KIAA1671: variants seen among roughly 807,000 people sequenced by gnomAD.
KIAA1671 encodes KIAA1671.
KIAA1671 carries 52 observed loss-of-function variants against 131.2 expected under a neutral mutation model. That is an observed-to-expected ratio of 0.40 (90% CI 0.32 to 0.50). The LOEUF is 0.50. KIAA1671 is among the 20% of genes least tolerant of loss of function. The pLI, the probability that KIAA1671 is intolerant of heterozygous loss-of-function variation, is 0.73. For synonymous variants in KIAA1671, 1,003 were observed against 961.6 expected (o/e 1.04, Z -0.80); for missense variants, 2,360 against 2,364.2 (o/e 1.00, Z 0.04).
Position 25,041,414 on chromosome 22 carries a change from CAG to C in KIAA1671, c.4291_4292del (p.Arg1431GlufsTer92). ...REGLSIMHEA[R>X]ERRREQPKGR... ...AGGGCCTGTCCATCATGCATGAAGC[CAG>C]AGAGAGGAGGCGAGAGCAGCCCAAA... is the stretch of plus-strand genomic sequence containing the variant. On this transcript the variant is annotated frameshift_variant, in exon 5 of 13. Transcript: ENST00000358431. LOFTEE classifies it high-confidence loss of function. 1 of 1,551,790 alleles carries C rather than the reference CAG, an allele frequency of 6.4e-7. No individual in the cohort carries two copies. The highest frequency in any genetic ancestry group is 8.7e-7 in the Non-Finnish European group (1 of 1,147,020).
chr22:24,983,520 G>A (rs146799039), intron 1 of KIAA1671, among the ~76,000 whole-genome samples: 174 of 151,930 alleles, frequency 1.1e-3, no homozygotes, highest in Middle Eastern at 6.8e-3. Flanking sequence ...GAGATTACAG[G>A]TGGACCTGAA....
intron 6 of KIAA1671, among the ~76,000 whole-genome samples, chr22:25,084,245 G>A (rs1183866890): frequency 6.6e-6 from 1 of 152,166 alleles, no homozygotes; most frequent in Non-Finnish European, 1.5e-5. Flanking sequence ...GGGAGGCCGA[G>A]GCGGGCGGAT....
At chr22:25,085,004 G>C (rs535520542) in intron 6 of KIAA1671, among the ~76,000 whole-genome samples, 11 of 152,366 alleles carry the variant, frequency 7.2e-5, no homozygotes, top group Non-Finnish European at 1.5e-4. Context: ...TGCAGCCACA[G>C]GACTTACATA....
chr22:25,054,161 A>T lies in KIAA1671; in HGVS notation c.4530+4797A>T, dbSNP rs1409708584. ...AGCTACTCAGGAGGCTGAGGCAGGAAAATCGCTTGAACTCGGGAGGCGGAG... is the reference window on the plus strand; with the variant it reads ...AGCTACTCAGGAGGCTGAGGCAGGATAATCGCTTGAACTCGGGAGGCGGAG... On this transcript the variant is annotated intron_variant, in intron 6 of 12. Transcript: ENST00000358431. 3.8e-5 allele frequency: 5 copies of T among 133,258 alleles called. 1 individual carries two copies. The highest frequency in any genetic ancestry group is 8.5e-5 in the Non-Finnish European group (5 of 58,520). 8.3% of individuals were successfully genotyped at this position (133,258 alleles called of 1,614,324 possible).
At chr22:24,963,750 C>G (rs12158602) in intron 1 of KIAA1671, among the ~76,000 whole-genome samples, 7,034 of 151,470 alleles carry the variant, frequency 0.046, 564 homozygotes, top group African/African-American at 0.16. Flanking sequence ...ACCATCCTGG[C>G]TAACATGGTG....
intron 6 of KIAA1671, among the ~76,000 whole-genome samples, 159 bp from the exon 7 acceptor site, chr22:25,170,661 C>A (rs947811204): frequency 4.6e-5 from 7 of 152,180 alleles, no homozygotes; most frequent in Admixed American, 6.5e-5. Flanking sequence ...ATTGGTCACG[C>A]TAGTGCCCAG....
intron 1 of KIAA1671, among the ~76,000 whole-genome samples, chr22:24,967,571 C>T (rs1922361263): frequency 1.3e-5 from 2 of 152,224 alleles, no homozygotes; most frequent in African/African-American, 4.8e-5. Context: ...CTGCCTGGGG[C>T]CTGGCCTCCG....
chr22:25,090,202 T>C (rs1178753283), intron 6 of KIAA1671, among the ~76,000 whole-genome samples: 1 of 152,244 alleles, frequency 6.6e-6, no homozygotes, highest in Non-Finnish European at 1.5e-5. Context: ...TGGAGTGTGC[T>C]GAGCTCTGGA....
intron 6 of KIAA1671, among the ~76,000 whole-genome samples, chr22:25,082,891 G>C (rs187993097): frequency 2.6e-5 from 4 of 152,206 alleles, no homozygotes; most frequent in Admixed American, 2.6e-4. Flanking sequence ...CTGAGGCAGG[G>C]ACATACAACT....
rs375778945 is a variant in KIAA1671 at position 25,104,745 on chromosome 22, A to AT, written c.4530+55391dup. Among the ~76,000 whole-genome samples, 399 of 148,610 alleles carry AT rather than the reference A, an allele frequency of 2.7e-3. 3 individuals are homozygous for AT. Among genetic ancestry groups the AT allele is most frequent in the Middle Eastern group, 7.0e-3 (2 of 286 alleles). ...TCATCAGAACCCTTGGCAATTGTTCATTTTTTTTTTCCTATTTCTTTCTTC... is the reference window on the plus strand; with the variant it reads ...TCATCAGAACCCTTGGCAATTGTTCATTTTTTTTTTTCCTATTTCTTTCTTC... On this transcript the variant is annotated intron_variant, in intron 6 of 12. Coordinates refer to ENST00000358431, the MANE Select transcript of KIAA1671 (RefSeq NM_001145206.2).
chr22:25,131,231 A>G (rs537600243), intron 6 of KIAA1671, among the ~76,000 whole-genome samples: 3 of 152,276 alleles, frequency 2.0e-5, no homozygotes, highest in South Asian at 2.1e-4. Context: ...AGCTGAGGCC[A>G]TGCTCAGGGA....
intron 1 of KIAA1671, among the ~76,000 whole-genome samples, chr22:24,992,119 T>C (rs1168035978): frequency 1.3e-5 from 2 of 152,182 alleles, no homozygotes; most frequent in Non-Finnish European, 2.9e-5. Context: ...CTGAAGCTAA[T>C]GTCCTAAGAG....
intron 6 of KIAA1671, among the ~76,000 whole-genome samples, chr22:25,069,017 G>A (rs1295461198): frequency 1.3e-5 from 2 of 152,058 alleles, no homozygotes; most frequent in African/African-American, 4.8e-5. Flanking sequence ...GAGTCTCTGG[G>A]TTATGGCCTC....
At chr22:24,988,041 C>T (rs979803294) in intron 1 of KIAA1671, among the ~76,000 whole-genome samples, 3 of 151,980 alleles carry the variant, frequency 2.0e-5, no homozygotes, top group South Asian at 2.1e-4. Flanking sequence ...TTTGGGAGGC[C>T]GAGGCGGGTG....
chr22:25,033,836 T>A (rs1408365770), intron 4 of KIAA1671, among the ~76,000 whole-genome samples: 2 of 151,966 alleles, frequency 1.3e-5, no homozygotes, highest in East Asian at 3.9e-4. Flanking sequence ...CGCTTCGGCC[T>A]CCCAAAGTGC....
intron 1 of KIAA1671, among the ~76,000 whole-genome samples, chr22:24,958,234 C>A (rs1433574217): frequency 6.6e-6 from 1 of 152,076 alleles, no homozygotes; most frequent in Non-Finnish European, 1.5e-5. Context: ...TAAGAAGAAG[C>A]TAAGGCCAAG....
At chr22:25,165,209 C>T (rs1470909708) in intron 6 of KIAA1671, among the ~76,000 whole-genome samples, 2 of 152,144 alleles carry the variant, frequency 1.3e-5, no homozygotes, top group Non-Finnish European at 2.9e-5. Flanking sequence ...GATGAATTCC[C>T]TTAGGTAACC....
rs1277126149 is a variant in KIAA1671, at chr22:25,194,841, T to G, written c.*2440T>G. 1 of 152,176 alleles carries G rather than the reference T, an allele frequency of 6.6e-6. No homozygotes were observed. Among genetic ancestry groups the G allele is most frequent in the Non-Finnish European group, 1.5e-5 (1 of 68,040 alleles). The allele number at this position is 152,176 out of a possible 1,614,324, so 9.4% of individuals were successfully genotyped here. A position where few individuals can be genotyped will look rare whatever the true frequency, so the allele number is the denominator to read the frequency against. On this transcript the variant is annotated 3_prime_UTR_variant, in exon 13 of 13. Coordinates refer to ENST00000358431, the MANE Select transcript of KIAA1671 (RefSeq NM_001145206.2). Reference sequence around the variant, plus strand: ...CTCTGCCATGACCTCTGAGACCTGCTTATGATCAGTGCAATGAAGTTAGAA... The same window carrying G: ...CTCTGCCATGACCTCTGAGACCTGCGTATGATCAGTGCAATGAAGTTAGAA...
intron 6 of KIAA1671, among the ~76,000 whole-genome samples, chr22:25,097,915 T>C (rs372775108): frequency 1.1e-3 from 168 of 152,232 alleles, no homozygotes; most frequent in African/African-American, 3.6e-3. Context: ...ACACTTTTCT[T>C]GGCATCTTAT....
Sources: allele counts gnomAD v4.1 joint callset (sites outside exome capture counted in the v4.1 genomes callset), GRCh38; gene constraint gnomAD v4.1.1; transcripts MANE v1.5; gene names NCBI Gene and HGNC (gene_info 2026-07-23, HGNC 2026-07-21).